Variants in PARD3 observed in about 807,000 individuals in gnomAD.
The protein encoded by PARD3 is partitioning defective 3 homolog.
PARD3 carries 75 observed loss-of-function variants against 155.4 expected under a neutral mutation model. That is an observed-to-expected ratio of 0.48 (90% CI 0.40 to 0.58). The LOEUF (loss-of-function observed/expected upper bound fraction) is 0.58. PARD3 is among the 20% of genes least tolerant of loss of function. The probability of loss-of-function intolerance (pLI) is 0.00; values close to 1 mark genes in which losing one functional copy is unlikely to be tolerated. For synonymous variants in PARD3, 576 were observed against 610.5 expected, an observed-to-expected ratio of 0.94 and a Z score of 0.83; for missense variants, 1,642 against 1,721.7, an observed-to-expected ratio of 0.95 and a Z score of 0.82.
At chr10:34,244,931 T>A (rs1953845924) in intron 22 of PARD3, among the ~76,000 whole-genome samples, 2 of 152,232 alleles carry the variant, frequency 1.3e-5, no homozygotes, top group South Asian at 4.1e-4. Flanking sequence ...GCTTGCCTTG[T>A]ACACAGTGAC....
intron 14 of PARD3, among the ~76,000 whole-genome samples, chr10:34,352,952 C>G (rs891880825): frequency 5.9e-5 from 9 of 151,880 alleles, no homozygotes; most frequent in African/African-American, 1.9e-4. Context: ...CGCCTCTGCC[C>G]CGCCGCCCCA....
At chr10:34,618,431 A>G (rs2091410962) in intron 2 of PARD3, among the ~76,000 whole-genome samples, 1 of 152,196 alleles carries the variant, frequency 6.6e-6, no homozygotes, top group African/African-American at 2.4e-5. Context: ...GACATCTTGT[A>G]CTGTGAAGTC....
At chr10:34,425,678 C>T (rs1191045516) in intron 5 of PARD3, among the ~76,000 whole-genome samples, 2 of 152,148 alleles carry the variant, frequency 1.3e-5, no homozygotes, top group Admixed American at 1.3e-4. Context: ...ATTACAGGCG[C>T]ATGTCCCTGT....
intron 2 of PARD3, among the ~76,000 whole-genome samples, chr10:34,573,013 A>G (rs1256215159): frequency 6.6e-6 from 1 of 152,164 alleles, no homozygotes; most frequent in Admixed American, 6.5e-5. Flanking sequence ...ATACACAGAT[A>G]CTCCAAATTT....
chr10:34,535,601 C>T (rs891942572), intron 2 of PARD3, among the ~76,000 whole-genome samples: 3 of 152,000 alleles, frequency 2.0e-5, no homozygotes, highest in Non-Finnish European at 4.4e-5. Context: ...ATTCTCCTGC[C>T]TCAGCTGGGA....
chr10:34,527,233 C>T (rs1380106451), intron 2 of PARD3, among the ~76,000 whole-genome samples: 4 of 152,214 alleles, frequency 2.6e-5, no homozygotes, highest in Admixed American at 1.3e-4. Context: ...GGGGTCAGCA[C>T]ATCACCAGCC....
chr10:34,370,495 G>T (rs1241788486), intron 12 of PARD3, among the ~76,000 whole-genome samples: 1 of 152,056 alleles, frequency 6.6e-6, no homozygotes, highest in Admixed American at 6.6e-5. Flanking sequence ...GCCCAGACTG[G>T]TCTTAATCTC....
At chr10:34,407,253 C>T (rs1489660442) in intron 5 of PARD3, among the ~76,000 whole-genome samples, 19 of 152,144 alleles carry the variant, frequency 1.2e-4, no homozygotes, top group Admixed American at 6.5e-5. Flanking sequence ...ACTGTCAAGG[C>T]CCCCACAGAC....
At chr10:34,606,652 A>C (rs1278384941) in intron 2 of PARD3, among the ~76,000 whole-genome samples, 1 of 150,992 alleles carries the variant, frequency 6.6e-6, no homozygotes, top group Admixed American at 6.6e-5. Context: ...AAAAAAAAAA[A>C]AAAAAAAAAA....
intron 2 of PARD3, among the ~76,000 whole-genome samples, chr10:34,598,076 G>A (rs1035633651): frequency 1.3e-5 from 2 of 152,090 alleles, no homozygotes; most frequent in African/African-American, 4.8e-5. Context: ...CAACTGTTAC[G>A]CCTAAGTGTC....
At chr10:34,315,733 T>C (rs1354307710) in intron 20 of PARD3, among the ~76,000 whole-genome samples, 7 of 152,226 alleles carry the variant, frequency 4.6e-5, no homozygotes, top group Admixed American at 6.5e-5. Flanking sequence ...AATTTCTTCC[T>C]ATATGATTCT....
chr10:34,670,272 G>A (rs773244352), intron 2 of PARD3, among the ~76,000 whole-genome samples: 10 of 152,212 alleles, frequency 6.6e-5, no homozygotes, highest in African/African-American at 2.2e-4. Flanking sequence ...ACGCCTTCAC[G>A]AAAGCTGACA....
intron 2 of PARD3, among the ~76,000 whole-genome samples, chr10:34,656,386 G>A (rs1017287453): frequency 7.9e-5 from 12 of 152,216 alleles, no homozygotes; most frequent in Non-Finnish European, 1.5e-4. Context: ...TCAAGTTTTC[G>A]TACTATTGAA....
intron 22 of PARD3, among the ~76,000 whole-genome samples, chr10:34,146,780 G>T (rs115675873): frequency 6.6e-6 from 1 of 152,130 alleles, no homozygotes; most frequent in African/African-American, 2.4e-5. Context: ...GACAAAGAAC[G>T]TTTCCCACTT....
At chr10:34,343,650 T>C in intron 15 of PARD3, 1 of 985,320 alleles carries the variant, frequency 1.0e-6, no homozygotes, top group Non-Finnish European at 1.2e-6. Context: ...GCTAAAAAAC[T>C]TTACATATTC....
intron 3 of PARD3, among the ~76,000 whole-genome samples, chr10:34,474,174 C>T (rs1156690224): frequency 2.6e-5 from 4 of 152,126 alleles, no homozygotes; most frequent in African/African-American, 9.7e-5. Flanking sequence ...GTCAGTCACT[C>T]AACAGCATTT....
chr10:34,385,456 GTATCATGA>G (rs1184736073), intron 7 of PARD3, among the ~76,000 whole-genome samples: 1 of 152,016 alleles, frequency 6.6e-6, no homozygotes, highest in Non-Finnish European at 1.5e-5. Flanking sequence ...CATAAATTTT[GTATCATGA>G]TATTAAAATT....
rs536031037 is a variant in PARD3, at chr10:34,127,805, C to CT, written c.3540+3657dup. 3.3e-5 allele frequency among the ~76,000 whole-genome samples: 5 copies of CT among 151,750 alleles called. No homozygotes were observed. In the East Asian group the frequency reaches 9.7e-4, roughly 29 times the overall value. ...TCAGCTTGACACCATGCTCATTACTCTTTTCAGCCTCTTTGTGTAAATATA... is the reference window on the plus strand; with the variant it reads ...TCAGCTTGACACCATGCTCATTACTCTTTTTCAGCCTCTTTGTGTAAATATA... On this transcript the variant is annotated intron_variant, in intron 23 of 24. Transcript: ENST00000374788.
Position 34,517,066 on chromosome 10 carries a change from T to C in PARD3, c.316A>G (p.Ser106Gly). Residue 106 changes from serine (S) to glycine (G), a missense_variant, in exon 3 of 25, where the codon AGT becomes GGT. Around this residue, in one of 3 missense-constraint regions of PARD3, gnomAD observed 1,529 missense variants for 1,587.3 expected, o/e 0.96. Coordinates refer to ENST00000374788, the MANE Select transcript of PARD3 (RefSeq NM_001184785.2). ...GAGACATTGTTGGTGCCAAGCTCAC[T>C]ACCAAATATCTCTGGGCTCTGGGTA... is the stretch of plus-strand genomic sequence containing the variant. ...TGTQSPEIFG[S>G]ELGTNNVSAF... 1.9e-6 allele frequency: 3 copies of C among 1,614,212 alleles called. No individual in the cohort carries two copies. Among genetic ancestry groups the C allele is most frequent in the African/African-American group, 1.3e-5 (1 of 75,080 alleles).
Sources: gnomAD v4.1 joint callset for allele counts (sites outside exome capture counted in the v4.1 genomes callset) on GRCh38, gnomAD v4.1.1 for gene constraint, gnomAD v4.1.1 regional missense constraint, MANE v1.5 for transcripts, NCBI Gene and HGNC (gene_info 2026-07-23, HGNC 2026-07-21) for gene names.